The following N4BP2 variants were observed in gnomAD, a reference collection of about 807,000 sequenced individuals.
N4BP2 encodes NEDD4 binding protein 2.
N4BP2 carries 91 observed loss-of-function variants against 152.8 expected under a neutral mutation model. That is an observed-to-expected ratio of 0.60 (90% CI 0.50 to 0.71). The LOEUF (loss-of-function observed/expected upper bound fraction) is 0.71, where lower values mean the gene tolerates loss of function less well. N4BP2 is among the 30% of genes least tolerant of loss of function. N4BP2 has a pLI of 0.00. For synonymous variants in N4BP2, 646 were observed against 705.3 expected, an observed-to-expected ratio of 0.92 and a Z score of 1.33; for missense variants, 1,923 against 2,059.1, an observed-to-expected ratio of 0.93 and a Z score of 1.28.
At position 40,148,042 on chromosome 4, in the gene N4BP2, C is replaced by T. The variant is rs1490874620; in HGVS notation, c.5143+3242C>T. Among the ~76,000 whole-genome samples the T allele has an allele frequency of 9.9e-5, 15 of 152,174 alleles. No individual in the cohort carries two copies. In the South Asian group the frequency reaches 1.9e-3, roughly 19 times the overall value. ...GCAGAGGGGCTCCTCACATCCCAGACGGGGTGGCGGCCGGGCAGAGGCTGC... is the reference window on the plus strand; with the variant it reads ...GCAGAGGGGCTCCTCACATCCCAGATGGGGTGGCGGCCGGGCAGAGGCTGC... On this transcript the variant is annotated intron_variant, in intron 16 of 17. Coordinates refer to ENST00000261435, the MANE Select transcript of N4BP2 (RefSeq NM_018177.6).
chr4:40,144,645 A>G lies in N4BP2; in HGVS notation c.4988A>G (p.Glu1663Gly). 1 of 1,611,852 alleles carries G rather than the reference A, an allele frequency of 6.2e-7. No homozygotes were observed. The highest frequency in any genetic ancestry group is 1.7e-5 in the Admixed American group (1 of 59,578). ...TTTATGATTTAGGGTACTCTTCATGAGCAGAAGATGAAAGAAGCCAATCAC... is the reference window on the plus strand; with the variant it reads ...TTTATGATTTAGGGTACTCTTCATGGGCAGAAGATGAAAGAAGCCAATCAC... ...TFYAQQGTLH[E>G]QKMKEANHLA... The change falls in exon 16 of 18, where the codon GAG becomes GGG. Residue 1663 changes from glutamate to glycine, a missense_variant. Glu to Gly is a moderately conservative substitution (Grantham distance 98, BLOSUM62 -2). Coordinates refer to ENST00000261435, the MANE Select transcript of N4BP2 (RefSeq NM_018177.6).
the N4BP2 span, among the ~76,000 whole-genome samples, chr4:40,182,581 C>G: frequency 6.6e-6 from 1 of 151,972 alleles, no homozygotes; most frequent in Non-Finnish European, 1.5e-5. Context: ...GCCCAAGAAG[C>G]TGAGACTACA....
intron 1 of N4BP2, among the ~76,000 whole-genome samples, chr4:40,058,914 G>A (rs1228075191): frequency 6.6e-6 from 1 of 151,932 alleles, no homozygotes; most frequent in Non-Finnish European, 1.5e-5. Context: ...TCTGCCTCCT[G>A]GGCTCAAGCC....
In N4BP2 at chr4:40,102,387, A is replaced by G. The variant is rs778811868; in HGVS notation, c.542A>G (p.Asn181Ser). ...TTTAATGACTCAAGTGAGTTTATAA[A>G]TCCTGATTCAAGTAATATGACTCCC... is the stretch of plus-strand genomic sequence containing the variant. ...NSFNDSSEFI[N>S]PDSSNMTPIF... The change falls in exon 4 of 18, where the codon AAT (asparagine) becomes AGT (serine). Residue 181 changes from asparagine (N) to serine (S), a missense_variant. Physicochemically the swap from Asn to Ser is conservative, Grantham distance 46 (BLOSUM62 1). Coordinates refer to ENST00000261435, the MANE Select transcript of N4BP2 (RefSeq NM_018177.6). 1 of 1,612,348 alleles carries G rather than the reference A, an allele frequency of 6.2e-7. No homozygotes were observed. The highest frequency in any genetic ancestry group is 8.5e-7 in the Non-Finnish European group (1 of 1,179,338).
chr4:40,158,146 A>G lies in N4BP2; in HGVS notation c.*3909A>G, dbSNP rs774441643. 1.3e-5 allele frequency: 2 copies of G among 152,178 alleles called. No homozygotes were observed. Among genetic ancestry groups the G allele is most frequent in the African/African-American group, 4.8e-5 (2 of 41,440 alleles). 9.4% of individuals were successfully genotyped at this position (152,178 alleles called of 1,614,324 possible). On this transcript the variant is annotated 3_prime_UTR_variant, in exon 18 of 18. Transcript: ENST00000261435. ...GTATAGAAAATGTAATTTTGCTGTT[A>G]ACTCTGTACTTTTTAAATTGAAAAT...
chr4:40,085,624 T>G (rs1713865200), intron 2 of N4BP2, among the ~76,000 whole-genome samples: 1 of 151,940 alleles, frequency 6.6e-6, no homozygotes, highest in Admixed American at 6.6e-5. Flanking sequence ...CTGGCTAATT[T>G]TTAAATTTTT....
intron 12 of N4BP2, among the ~76,000 whole-genome samples, chr4:40,129,234 T>C (rs961800528): frequency 2.0e-5 from 3 of 150,152 alleles, no homozygotes; most frequent in African/African-American, 7.3e-5. Flanking sequence ...TTGTTTTGTT[T>C]TGTTTTTTTT....
chr4:40,087,323 G>A (rs1714075413), intron 2 of N4BP2, among the ~76,000 whole-genome samples: 1 of 151,918 alleles, frequency 6.6e-6, no homozygotes, highest in Admixed American at 6.6e-5. Flanking sequence ...GTTACAGAGA[G>A]GGGAGTTTCA....
At chr4:40,114,586 C>CCTTT (rs1392821346) in intron 7 of N4BP2, among the ~76,000 whole-genome samples, 1 of 152,138 alleles carries the variant, frequency 6.6e-6, no homozygotes, top group Non-Finnish European at 1.5e-5. Context: ...TGATAGATTA[C>CCTTT]TGAGTTTGGT....
chr4:40,128,539 G>GTTTTTTTTTTTTTTTTTT (rs11423243), intron 12 of N4BP2, among the ~76,000 whole-genome samples: 4 of 145,086 alleles, frequency 2.8e-5, no homozygotes, highest in African/African-American at 1.0e-4. Flanking sequence ...TCTTCTTTCT[G>GTTTTTTTTTTTTTTTTTT]TTTTTTTTTT....
intron 1 of N4BP2, 141 bp downstream of exon 1, chr4:40,057,171 T>TG (rs1361381630): frequency 6.6e-6 from 1 of 152,166 alleles, no homozygotes; most frequent in Non-Finnish European, 1.5e-5. Flanking sequence ...GCCCTGAATG[T>TG]GGGGCCCGGC....
rs1490634138 is a variant in N4BP2 at position 40,106,994 on chromosome 4, G to C, written c.1468G>C (p.Gly490Arg). ...GQYQFDVKYL[G>R]EAHEWNQNRA... ...GTACCAGTTTGATGTAAAGTACTTAGGAGAAGCACATGAATGGAACCAGAA... is the reference window on the plus strand; with the variant it reads ...GTACCAGTTTGATGTAAAGTACTTACGAGAAGCACATGAATGGAACCAGAA... The change falls in exon 5 of 18, where the codon GGA (glycine) becomes CGA (arginine). Residue 490 changes from glycine to arginine, a missense_variant. By Grantham distance (125) the Gly-to-Arg change is moderately radical. Transcript: ENST00000261435. 6.2e-7 allele frequency: 1 copy of C among 1,613,592 alleles called. No individual in the cohort carries two copies. The highest frequency in any genetic ancestry group is 1.3e-5 in the African/African-American group (1 of 74,898).
chr4:40,154,819 CT>C lies in N4BP2; in HGVS notation c.*586del, dbSNP rs1721462514. On this transcript the variant is annotated 3_prime_UTR_variant, in exon 18 of 18. Transcript: ENST00000261435. Reference sequence around the variant, plus strand: ...CTTCTGCTTTGTATATGACCTTGATCTTTTACCTTTTGTTCTGTTCTTCTGT... The same window carrying C: ...CTTCTGCTTTGTATATGACCTTGATCTTTACCTTTTGTTCTGTTCTTCTGT... The C allele has an allele frequency of 6.6e-6, 1 of 152,304 alleles. No individual in the cohort carries two copies. The highest frequency in any genetic ancestry group is 2.1e-4 in the South Asian group (1 of 4,828). The allele number at this position is 152,304 out of a possible 1,614,324, so 9.4% of individuals were successfully genotyped here. A position where few individuals can be genotyped will look rare whatever the true frequency, so the allele number is the denominator to read the frequency against.
rs1009992894 is a variant in N4BP2 at position 40,157,548 on chromosome 4, A to G, written c.*3311A>G. 4.6e-5 allele frequency: 7 copies of G among 152,160 alleles called. No individual in the cohort carries two copies. The highest frequency in any genetic ancestry group is 2.1e-4 in the South Asian group (1 of 4,836). 9.4% of individuals were successfully genotyped at this position (152,160 alleles called of 1,614,324 possible). On this transcript the variant is annotated 3_prime_UTR_variant, in exon 18 of 18. Transcript: ENST00000261435. ...GGAAACTCAGGAAATTGCTCTGACA[A>G]TGTTTTAACTGCTCTCAATTTAAGA...
intron 5 of N4BP2, among the ~76,000 whole-genome samples, chr4:40,109,244 A>C (rs1187148952): frequency 6.6e-6 from 1 of 152,202 alleles, no homozygotes; most frequent in Non-Finnish European, 1.5e-5. Context: ...ATGCCAACAT[A>C]ACTAAAACCA....
chr4:40,123,272 C>T, intron 10 of N4BP2, 60 bp downstream of exon 10: 1 of 1,138,728 alleles, frequency 8.8e-7, no homozygotes, highest in Non-Finnish European at 1.3e-6. Flanking sequence ...CTTTGAATTT[C>T]AGTGAAATCT....
chr4:40,076,465 G>C (rs1011787256), intron 2 of N4BP2, among the ~76,000 whole-genome samples: 1 of 152,024 alleles, frequency 6.6e-6, no homozygotes, highest in African/African-American at 2.4e-5. Flanking sequence ...GACAGAGGGA[G>C]ACTTTGTGTC....
intron 3 of N4BP2, among the ~76,000 whole-genome samples, chr4:40,099,660 T>C (rs1416772564): frequency 1.3e-5 from 2 of 152,192 alleles, no homozygotes; most frequent in Non-Finnish European, 2.9e-5. Context: ...CTTGTATTCT[T>C]GTGTAAATTG....
chr4:40,106,351 G>T (rs1009468626), intron 4 of N4BP2, among the ~76,000 whole-genome samples: 7 of 151,668 alleles, frequency 4.6e-5, no homozygotes, highest in African/African-American at 1.5e-4. Flanking sequence ...TTGAGAGAGG[G>T]TCTTATTCTG....
Sources: gnomAD v4.1 joint callset for allele counts (sites outside exome capture counted in the v4.1 genomes callset) on GRCh38, gnomAD v4.1.1 for gene constraint, MANE v1.5 for transcripts, NCBI Gene and HGNC (gene_info 2026-07-23, HGNC 2026-07-21) for gene names.